GABBR2: variants seen among roughly 807,000 people sequenced by gnomAD.
GABBR2 encodes gamma-aminobutyric acid type B receptor subunit 2, also known as G-protein coupled receptor 51.
GABBR2 carries 23 observed loss-of-function variants against 105.6 expected under a neutral mutation model. The observed-to-expected ratio is 0.22, with a 90% confidence interval of 0.16 to 0.31. GABBR2 has a LOEUF of 0.31. Ranked by LOEUF, GABBR2 falls within the 10% of genes least tolerant of loss-of-function variation. The pLI is 1.00. For synonymous variants in GABBR2, 478 were observed against 499.7 expected (o/e 0.96, Z 0.58); for missense variants, 734 against 1,245.5 (o/e 0.59, Z 6.18).
chr9:98,638,035 C>T (rs1459534020), intron 1 of GABBR2, among the ~76,000 whole-genome samples: 2 of 152,162 alleles, frequency 1.3e-5, no homozygotes, highest in East Asian at 3.8e-4. Flanking sequence ...CATGGATAAA[C>T]TAAATAACCT....
intron 3 of GABBR2, among the ~76,000 whole-genome samples, chr9:98,498,951 C>T (rs952985157): frequency 2.0e-5 from 3 of 152,232 alleles, no homozygotes; most frequent in Non-Finnish European, 4.4e-5. Flanking sequence ...CTCCTGGAAA[C>T]GCACAGTCTA....
intron 3 of GABBR2, among the ~76,000 whole-genome samples, chr9:98,510,294 T>C (rs987656267): frequency 3.3e-5 from 5 of 152,208 alleles, no homozygotes; most frequent in Middle Eastern, 3.4e-3. Flanking sequence ...AAGGAACAAC[T>C]GGTACCAGCC....
chr9:98,627,921 G>A (rs532866376), intron 1 of GABBR2, among the ~76,000 whole-genome samples: 39 of 152,304 alleles, frequency 2.6e-4, no homozygotes, highest in Admixed American at 4.6e-4. Context: ...TTAAATTGGC[G>A]TGTTCAATTG....
At chr9:98,330,168 T>C (rs576247684) in intron 13 of GABBR2, among the ~76,000 whole-genome samples, 345 of 152,262 alleles carry the variant, frequency 2.3e-3, no homozygotes, top group African/African-American at 8.1e-3. Flanking sequence ...AACCAATTCT[T>C]GAACTCTTCT....
chr9:98,420,106 GTGA>G (rs1450396875), intron 7 of GABBR2, among the ~76,000 whole-genome samples: 2 of 152,094 alleles, frequency 1.3e-5, no homozygotes, highest in Non-Finnish European at 2.9e-5. Flanking sequence ...GGGTGGTGGT[GTGA>G]TGAAGGGAAA....
intron 13 of GABBR2, among the ~76,000 whole-genome samples, chr9:98,336,858 C>G (rs1831124839): frequency 6.6e-6 from 1 of 151,972 alleles, no homozygotes; most frequent in African/African-American, 2.4e-5. Context: ...ATGTGACTCA[C>G]TTTTGATTCA....
At chr9:98,461,863 G>A (rs144934041) in intron 6 of GABBR2, among the ~76,000 whole-genome samples, 30 of 152,344 alleles carry the variant, frequency 2.0e-4, no homozygotes, top group African/African-American at 7.0e-4. Context: ...AATGGAGCAA[G>A]AGAGCAAGGG....
chr9:98,361,527 G>A (rs1426982613), intron 13 of GABBR2, among the ~76,000 whole-genome samples: 5 of 152,200 alleles, frequency 3.3e-5, no homozygotes, highest in African/African-American at 1.2e-4. Context: ...GATGAAGGGG[G>A]CATTCCCTTG....
intron 2 of GABBR2, among the ~76,000 whole-genome samples, chr9:98,566,816 AAAAAAGGCGACAAAG>A: frequency 6.6e-6 from 1 of 151,006 alleles, no homozygotes. Context: ...AAAAAAAAAA[AAAAAAGGCGACAAAG>A]AAAAAGAAAT....
chr9:98,500,225 C>T (rs960872901), intron 3 of GABBR2, among the ~76,000 whole-genome samples: 1 of 152,242 alleles, frequency 6.6e-6, no homozygotes, highest in African/African-American at 2.4e-5. Flanking sequence ...AAAATACACT[C>T]ACACACACAA....
At chr9:98,614,930 G>C (rs1051670395) in intron 1 of GABBR2, among the ~76,000 whole-genome samples, 4 of 152,172 alleles carry the variant, frequency 2.6e-5, no homozygotes, top group Non-Finnish European at 5.9e-5. Flanking sequence ...CAGACTTTCA[G>C]GGTATATTAA....
chr9:98,659,706 A>T (rs946464979), intron 1 of GABBR2, among the ~76,000 whole-genome samples: 2 of 151,726 alleles, frequency 1.3e-5, no homozygotes, highest in African/African-American at 4.8e-5. Flanking sequence ...TTTTTAGTAG[A>T]CATGGGGTTT....
chr9:98,624,727 C>T (rs1411256543), intron 1 of GABBR2, among the ~76,000 whole-genome samples: 6 of 152,006 alleles, frequency 3.9e-5, no homozygotes, highest in South Asian at 2.1e-4. Context: ...GCACAGGATG[C>T]GGAGGAAGCT....
intron 13 of GABBR2, among the ~76,000 whole-genome samples, chr9:98,360,528 C>A (rs1831564431): frequency 6.6e-6 from 1 of 151,946 alleles, no homozygotes; most frequent in African/African-American, 2.4e-5. Context: ...TGGATAGCAC[C>A]TTTCCAGGCT....
chr9:98,641,344 G>C (rs1829959789), intron 1 of GABBR2, among the ~76,000 whole-genome samples: 1 of 149,446 alleles, frequency 6.7e-6, no homozygotes, highest in Non-Finnish European at 1.5e-5. Flanking sequence ...CACCATGTTG[G>C]TCAGGCTGGT....
Position 98,306,715 on chromosome 9 carries a change from G to T in GABBR2, c.2005-370C>A. The T allele has an allele frequency of 3.8e-6, 1 of 266,494 alleles. No homozygotes were observed. Among genetic ancestry groups the T allele is most frequent in the Non-Finnish European group, 7.2e-6 (1 of 138,838 alleles). The allele number at this position is 266,494 out of a possible 1,614,324, so 16.5% of individuals were successfully genotyped here. On this transcript the variant is annotated intron_variant, in intron 14 of 18. Transcript: ENST00000259455. This position sits in a 1 kb window ranked among gnomAD's most constrained non-coding sequence, Gnocchi z 5.4. ...AGAAGGGTGAAGAGGTCTGCCCAAG[G>T]CCGCACAGCAATATGGTAGCAAAAA... is the stretch of plus-strand genomic sequence containing the variant.
intron 2 of GABBR2, among the ~76,000 whole-genome samples, chr9:98,571,805 C>G (rs549198274): frequency 6.6e-6 from 1 of 152,312 alleles, no homozygotes; most frequent in African/African-American, 2.4e-5. Flanking sequence ...ATGCTGGAAG[C>G]TTCCAGAGGC....
At chr9:98,500,493 A>G (rs541182599) in intron 3 of GABBR2, among the ~76,000 whole-genome samples, 2 of 152,214 alleles carry the variant, frequency 1.3e-5, no homozygotes, top group Non-Finnish European at 2.9e-5. Flanking sequence ...CGGCTGCTGG[A>G]AAGGAGGTAA....
At chr9:98,517,710 C>T (rs1347799556) in intron 3 of GABBR2, among the ~76,000 whole-genome samples, 3 of 152,204 alleles carry the variant, frequency 2.0e-5, no homozygotes, top group African/African-American at 4.8e-5. Context: ...CTGCCCTGCC[C>T]TGCTTTTTTC....
Sources: allele counts gnomAD v4.1 joint callset (sites outside exome capture counted in the v4.1 genomes callset), GRCh38; gene constraint gnomAD v4.1.1; non-coding constraint Gnocchi (gnomAD v3.1); transcripts MANE v1.5; gene names NCBI Gene and HGNC (gene_info 2026-07-23, HGNC 2026-07-21).